Variants in NECAB1 observed in about 807,000 individuals in gnomAD.
The protein encoded by NECAB1 is N-terminal EF-hand calcium-binding protein 1.
In NECAB1, 29 loss-of-function variants were observed where a neutral mutation model predicts 57.5. The observed-to-expected ratio is 0.50, with a 90% CI of 0.38 to 0.69. NECAB1 has a LOEUF of 0.69. Ranked by LOEUF, NECAB1 falls within the 30% of genes least tolerant of loss-of-function variation. The probability of loss-of-function intolerance (pLI) is 0.00; values close to 1 mark genes in which losing one functional copy is unlikely to be tolerated. For missense variants in NECAB1, 372 were observed against 413.8 expected (o/e 0.90, Z 0.88); for synonymous variants, 142 against 147.7 (o/e 0.96, Z 0.28).
At chr8:90,892,589 C>A (rs545502793) in intron 5 of NECAB1, among the ~76,000 whole-genome samples, 52 of 152,320 alleles carry the variant, frequency 3.4e-4, no homozygotes, top group African/African-American at 1.1e-3. Context: ...TTGCTTTATT[C>A]TCTACGATCA....
At chr8:90,854,948 T>C (rs1425224090) in intron 3 of NECAB1, among the ~76,000 whole-genome samples, 1 of 152,170 alleles carries the variant, frequency 6.6e-6, no homozygotes, top group Admixed American at 6.5e-5. Context: ...AAAGAACTAG[T>C]CCAATGTCTG....
At chr8:90,861,146 C>A (rs76250055) in intron 3 of NECAB1, among the ~76,000 whole-genome samples, 2 of 152,014 alleles carry the variant, frequency 1.3e-5, no homozygotes, top group African/African-American at 4.8e-5. Context: ...TGTGATGAGG[C>A]CTTTATTACA....
At chr8:90,948,189 T>C (rs1450921925) in intron 10 of NECAB1, among the ~76,000 whole-genome samples, 1 of 152,206 alleles carries the variant, frequency 6.6e-6, no homozygotes, top group Non-Finnish European at 1.5e-5. Flanking sequence ...GGAAAACATA[T>C]ATATGCACAT....
chr8:90,923,076 T>A (rs1810167779), intron 6 of NECAB1, among the ~76,000 whole-genome samples: 1 of 152,034 alleles, frequency 6.6e-6, no homozygotes, highest in African/African-American at 2.4e-5. Flanking sequence ...CAAGATACAA[T>A]ATATTTGGTA....
At chr8:90,932,807 T>A (rs143578872) in intron 8 of NECAB1, among the ~76,000 whole-genome samples, 2 of 152,224 alleles carry the variant, frequency 1.3e-5, no homozygotes, top group African/African-American at 2.4e-5. Context: ...ATAATCCTCA[T>A]TGGAAACAAT....
At chr8:90,949,780 A>C (rs1810888785) in intron 10 of NECAB1, 27 bp from the exon 11 acceptor site, 2 of 1,381,844 alleles carry the variant, frequency 1.4e-6, no homozygotes, top group African/African-American at 2.8e-5. Flanking sequence ...TCCAGTAGCT[A>C]ATTATGCCTT....
In NECAB1 at chr8:90,791,986, G is replaced by C. The variant is rs1027724433; in HGVS notation, c.99+1G>C. On this transcript the variant is annotated splice_donor_variant, in intron 1 of 12. Transcript: ENST00000417640. LOFTEE classifies it high-confidence loss of function. Reference sequence around the variant, plus strand: ...CAAGGGCATGTCGATCTTCCTCGACGTAAGTACAGATGGTGGGAGCTGGGC... The same window carrying C: ...CAAGGGCATGTCGATCTTCCTCGACCTAAGTACAGATGGTGGGAGCTGGGC... The C allele has an allele frequency of 1.3e-6, 2 of 1,551,160 alleles. No individual in the cohort carries two copies. The highest frequency in any genetic ancestry group is 1.7e-6 in the Non-Finnish European group (2 of 1,146,494).
intron 4 of NECAB1, among the ~76,000 whole-genome samples, chr8:90,876,022 TAATA>T (rs1019146842): frequency 1.3e-5 from 2 of 151,660 alleles, no homozygotes; most frequent in African/African-American, 4.8e-5. Context: ...AAAATAATAA[TAATA>T]AATAAAGTAA....
intron 6 of NECAB1, among the ~76,000 whole-genome samples, chr8:90,922,637 C>T (rs1012117371): frequency 2.0e-5 from 3 of 151,694 alleles, no homozygotes; most frequent in Non-Finnish European, 4.4e-5. Flanking sequence ...GGATTACAGG[C>T]GCCTGCCACC....
At chr8:90,829,988 G>T (rs1264055948) in intron 3 of NECAB1, among the ~76,000 whole-genome samples, 1 of 152,036 alleles carries the variant, frequency 6.6e-6, no homozygotes, top group South Asian at 2.1e-4. Context: ...TGCTCCTTTG[G>T]AAACAGAAAA....
At chr8:90,954,200 T>C (rs928034915) in intron 12 of NECAB1, among the ~76,000 whole-genome samples, 1 of 152,042 alleles carries the variant, frequency 6.6e-6, no homozygotes, top group Non-Finnish European at 1.5e-5. Context: ...AATAAGTTTG[T>C]ATTTCTAATT....
At chr8:90,939,497 A>G (rs1810618942) in intron 9 of NECAB1, among the ~76,000 whole-genome samples, 1 of 152,196 alleles carries the variant, frequency 6.6e-6, no homozygotes, top group Non-Finnish European at 1.5e-5. Flanking sequence ...AATCCATCCC[A>G]CTTGATCACG....
intron 1 of NECAB1, among the ~76,000 whole-genome samples, chr8:90,798,859 C>G (rs1314734504): frequency 6.6e-6 from 1 of 152,148 alleles, no homozygotes; most frequent in Admixed American, 6.5e-5. Context: ...GTTTTAAGTT[C>G]TCTGAGAAAT....
chr8:90,850,736 A>G (rs1327022464), intron 3 of NECAB1, among the ~76,000 whole-genome samples: 1 of 152,150 alleles, frequency 6.6e-6, no homozygotes, highest in Non-Finnish European at 1.5e-5. Context: ...AAATTATTAC[A>G]TTTCATATGA....
intron 2 of NECAB1, among the ~76,000 whole-genome samples, chr8:90,816,912 C>T (rs191668428): frequency 2.2e-3 from 331 of 151,674 alleles, no homozygotes; most frequent in African/African-American, 7.6e-3. Context: ...GGATTGACAC[C>T]TTAATGATAT....
intron 2 of NECAB1, among the ~76,000 whole-genome samples, chr8:90,805,426 C>T (rs1434922212): frequency 7.6e-5 from 10 of 131,250 alleles, no homozygotes; most frequent in African/African-American, 2.8e-4. Context: ...AAAAGAGAAG[C>T]TGCTGGATAA....
intron 2 of NECAB1, among the ~76,000 whole-genome samples, chr8:90,818,745 T>G (rs938667102): frequency 6.6e-6 from 1 of 151,976 alleles, no homozygotes; most frequent in African/African-American, 2.4e-5. Flanking sequence ...TGATCCTCTT[T>G]GGTACTCTCT....
At chr8:90,882,226 AG>A (rs1311274522) in intron 5 of NECAB1, among the ~76,000 whole-genome samples, 3 of 152,218 alleles carry the variant, frequency 2.0e-5, no homozygotes, top group Non-Finnish European at 2.9e-5. Context: ...AGGATCAGAA[AG>A]ATGAGTGAGT....
At chr8:90,825,656 TG>T (rs1397390294) in intron 3 of NECAB1, among the ~76,000 whole-genome samples, 1 of 151,856 alleles carries the variant, frequency 6.6e-6, no homozygotes, top group African/African-American at 2.4e-5. Flanking sequence ...AAAATGCTCT[TG>T]GGCTACATCT....
Sources: allele counts gnomAD v4.1 joint callset (sites outside exome capture counted in the v4.1 genomes callset), GRCh38; gene constraint gnomAD v4.1.1; transcripts MANE v1.5; gene names NCBI Gene and HGNC (gene_info 2026-07-23, HGNC 2026-07-21).